MYRIP: variants seen among roughly 807,000 people sequenced by gnomAD.
The protein encoded by MYRIP is rab effector MyRIP.
MYRIP carries 49 observed loss-of-function variants against 98.0 expected under a neutral mutation model. That is an observed-to-expected ratio of 0.50 (90% CI 0.40 to 0.63). The LOEUF is 0.63. MYRIP is among the 30% of genes least tolerant of loss of function. The pLI is 0.00. For missense variants in MYRIP, 1,004 were observed against 1,058.2 expected, an observed-to-expected ratio of 0.95 and a Z score of 0.71; for synonymous variants, 404 against 409.5, an observed-to-expected ratio of 0.99 and a Z score of 0.16.
intron 11 of MYRIP, among the ~76,000 whole-genome samples, chr3:40,230,160 C>T (rs1002712740): frequency 1.3e-5 from 2 of 152,196 alleles, no homozygotes; most frequent in African/African-American, 4.8e-5. Flanking sequence ...ACTTCTCCCT[C>T]ATTTGCTACC....
intron 1 of MYRIP, among the ~76,000 whole-genome samples, chr3:39,862,781 A>G (rs1942511156): frequency 6.6e-6 from 1 of 152,192 alleles, no homozygotes; most frequent in Admixed American, 6.5e-5. Flanking sequence ...CACTTGACCA[A>G]ATGGACCTGA....
intron 10 of MYRIP, among the ~76,000 whole-genome samples, chr3:40,205,301 C>A (rs1349453719): frequency 6.6e-6 from 1 of 152,122 alleles, no homozygotes; most frequent in Admixed American, 6.6e-5. Flanking sequence ...TCTTTTGAGC[C>A]TTTTGTTACC....
rs72868134 is a variant in MYRIP at position 39,868,970 on chromosome 3, G to C, written c.-30-31817G>C. On this transcript the variant is annotated intron_variant, in intron 1 of 16. Coordinates refer to ENST00000302541, the MANE Select transcript of MYRIP (RefSeq NM_015460.4). ...GTGTTACTTTTTTTCTTCTTGAAAA[G>C]ACAGAATTGAAAATATTCTGTCTTT... Among the ~76,000 whole-genome samples the C allele has an allele frequency of 1.4e-3, 207 of 152,230 alleles. 1 individual carries two copies. The highest frequency in any genetic ancestry group is 4.9e-3 in the African/African-American group (202 of 41,532).
At chr3:40,210,325 T>C (rs1360473571) in intron 11 of MYRIP, among the ~76,000 whole-genome samples, 1 of 152,148 alleles carries the variant, frequency 6.6e-6, no homozygotes, top group Non-Finnish European at 1.5e-5. Context: ...TCCACTATCT[T>C]TCATCAAGAC....
chr3:40,171,815 G>A (rs1392227866), intron 8 of MYRIP, among the ~76,000 whole-genome samples: 1 of 152,236 alleles, frequency 6.6e-6, no homozygotes, highest in Non-Finnish European at 1.5e-5. Flanking sequence ...GTATTGGTTT[G>A]TTCTCATGCT....
At chr3:40,066,999 A>C (rs1405033976) in intron 3 of MYRIP, among the ~76,000 whole-genome samples, 1 of 152,174 alleles carries the variant, frequency 6.6e-6, no homozygotes, top group Non-Finnish European at 1.5e-5. Context: ...GCTTTTCTAT[A>C]GTTTCCAAAG....
At position 40,005,450 on chromosome 3, in the gene MYRIP, T is replaced by C. The variant is rs145425847; in HGVS notation, c.111-38600T>C. Reference sequence around the variant, plus strand: ...TAATTAGGTCCATTCTCTGGCTTTATTGGCCATTATACTTGTGTCACTTGT... The same window carrying C: ...TAATTAGGTCCATTCTCTGGCTTTACTGGCCATTATACTTGTGTCACTTGT... On this transcript the variant is annotated intron_variant, in intron 2 of 16. Coordinates refer to ENST00000302541, the MANE Select transcript of MYRIP (RefSeq NM_015460.4). Among the ~76,000 whole-genome samples the C allele has an allele frequency of 7.5e-3, 1,141 of 152,396 alleles. 15 individuals carry two copies. Among genetic ancestry groups the C allele is most frequent in the African/African-American group, 0.026 (1,086 of 41,594 alleles).
chr3:40,069,463 T>C (rs11707830), intron 3 of MYRIP, among the ~76,000 whole-genome samples: 38,888 of 151,664 alleles, frequency 0.26, 5,215 homozygotes, highest in East Asian at 0.35. Context: ...ATTTTAACCA[T>C]TATTAAATGT....
chr3:40,040,449 T>C (rs1395297815), intron 2 of MYRIP, among the ~76,000 whole-genome samples: 1 of 99,926 alleles, frequency 1.0e-5, no homozygotes, highest in East Asian at 2.8e-4. Context: ...GAACTAGAAA[T>C]ACCATTTGAC....
chr3:39,816,481 A>G (rs905222498), intron 1 of MYRIP, among the ~76,000 whole-genome samples: 4 of 152,232 alleles, frequency 2.6e-5, no homozygotes, highest in Non-Finnish European at 5.9e-5. Flanking sequence ...AGTGTCTTGA[A>G]GAAAGATCAG....
At chr3:40,254,605 G>T (rs1953511023) in intron 16 of MYRIP, among the ~76,000 whole-genome samples, 1 of 152,004 alleles carries the variant, frequency 6.6e-6, no homozygotes, top group African/African-American at 2.4e-5. Flanking sequence ...TTTCCATGTG[G>T]GCAAAATATG....
At chr3:39,984,463 G>C (rs571384609) in intron 2 of MYRIP, among the ~76,000 whole-genome samples, 8 of 151,946 alleles carry the variant, frequency 5.3e-5, no homozygotes, top group South Asian at 2.1e-4. Flanking sequence ...ACCTATGAGT[G>C]AGAATATGCA....
chr3:40,031,837 C>T (rs1947268709), intron 2 of MYRIP, among the ~76,000 whole-genome samples: 1 of 151,842 alleles, frequency 6.6e-6, no homozygotes, highest in South Asian at 2.1e-4. Flanking sequence ...TGGTGATATC[C>T]CCTTTATCAT....
At chr3:40,026,374 T>C (rs1947128994) in intron 2 of MYRIP, among the ~76,000 whole-genome samples, 2 of 106,516 alleles carry the variant, frequency 1.9e-5, no homozygotes, top group African/African-American at 2.8e-5. Flanking sequence ...TTTCATATTG[T>C]TCAAACACAT....
chr3:40,053,864 T>C (rs948193748), intron 3 of MYRIP, among the ~76,000 whole-genome samples: 3 of 152,156 alleles, frequency 2.0e-5, no homozygotes, highest in African/African-American at 7.2e-5. Context: ...GGCACTTGTG[T>C]CTACAAGGCA....
intron 11 of MYRIP, among the ~76,000 whole-genome samples, chr3:40,210,608 G>A (rs779254877): frequency 7.9e-5 from 12 of 151,996 alleles, no homozygotes; most frequent in Non-Finnish European, 1.3e-4. Context: ...TTTTAGCGTC[G>A]GAATCCTTTT....
intron 3 of MYRIP, among the ~76,000 whole-genome samples, chr3:40,091,188 GA>G (rs1559396846): frequency 1.3e-5 from 2 of 152,126 alleles, no homozygotes. Context: ...ATCCCCAGCT[GA>G]GCCACTGAAG....
intron 2 of MYRIP, among the ~76,000 whole-genome samples, chr3:40,023,305 A>G (rs1035965289): frequency 6.6e-6 from 1 of 152,224 alleles, no homozygotes; most frequent in African/African-American, 2.4e-5. Flanking sequence ...TCAAGAAAAC[A>G]GAAACCATCT....
intron 3 of MYRIP, among the ~76,000 whole-genome samples, chr3:40,116,268 C>T (rs1432055041): frequency 6.6e-6 from 1 of 152,130 alleles, no homozygotes; most frequent in Non-Finnish European, 1.5e-5. Flanking sequence ...ATTCACACCT[C>T]CTCCATGAGT....
Sources: allele counts gnomAD v4.1 joint callset (sites outside exome capture counted in the v4.1 genomes callset), GRCh38; gene constraint gnomAD v4.1.1; transcripts MANE v1.5; gene names NCBI Gene and HGNC (gene_info 2026-07-23, HGNC 2026-07-21).